Variants in PPP1R16B observed in about 807,000 individuals in gnomAD.
PPP1R16B encodes the protein protein phosphatase 1 regulatory subunit 16B, also known as protein phosphatase 1 regulatory inhibitor subunit 16B.
A neutral mutation model predicts 61.7 loss-of-function variants in PPP1R16B; 14 were observed. That is an observed-to-expected ratio of 0.23 (90% confidence interval 0.15 to 0.35). PPP1R16B has a LOEUF of 0.35. PPP1R16B is among the 10% of genes least tolerant of loss of function. PPP1R16B has a pLI of 1.00. For missense variants in PPP1R16B, 547 were observed against 752.5 expected, an observed-to-expected ratio of 0.73 and a Z score of 3.19; for synonymous variants, 266 against 305.3, an observed-to-expected ratio of 0.87 and a Z score of 1.34.
intron 2 of PPP1R16B, among the ~76,000 whole-genome samples, chr20:38,870,899 A>C (rs2085124490): frequency 6.6e-6 from 1 of 152,122 alleles, no homozygotes; most frequent in South Asian, 2.1e-4. Context: ...GAGACTTATC[A>C]GGAAGCAGGC....
At chr20:38,863,876 C>T (rs966940190) in intron 2 of PPP1R16B, among the ~76,000 whole-genome samples, 1 of 152,224 alleles carries the variant, frequency 6.6e-6, no homozygotes, top group African/African-American at 2.4e-5. Context: ...TCTACATAAA[C>T]ACTTGTCTAC....
intron 2 of PPP1R16B, among the ~76,000 whole-genome samples, chr20:38,836,415 G>A (rs372182413): frequency 1.3e-5 from 2 of 152,232 alleles, no homozygotes; most frequent in Admixed American, 6.5e-5. Context: ...ATAGTGGCGC[G>A]ATCTCAGCTC....
rs749217242 is a variant in PPP1R16B, at chr20:38,908,130, G to A, written c.1131G>A (p.Gln377=). 1 of 1,614,256 alleles carries A rather than the reference G, an allele frequency of 6.2e-7. No individual in the cohort carries two copies. Among genetic ancestry groups the A allele is most frequent in the South Asian group, 1.1e-5 (1 of 91,090 alleles). Residue 377 remains glutamine (Q), a synonymous_variant, in exon 10 of 11, where the codon CAG becomes CAA. Coordinates refer to ENST00000299824, the MANE Select transcript of PPP1R16B (RefSeq NM_015568.4). ...ILWQRSAAED[Q]RTSTYNGDIR... is the part of the protein sequence containing the mutation. ...GGCAGCGGAGTGCAGCTGAGGATCA[G>A]CGGACCTCCACCTACAACGGGGACA...
chr20:38,902,127 T>C (rs1196368231), intron 5 of PPP1R16B, among the ~76,000 whole-genome samples: 2 of 152,258 alleles, frequency 1.3e-5, no homozygotes, highest in East Asian at 3.8e-4. Flanking sequence ...GGATTCGGGC[T>C]ATACAATGTC....
At chr20:38,831,387 G>A (rs926484) in intron 1 of PPP1R16B, among the ~76,000 whole-genome samples, 3,935 of 152,356 alleles carry the variant, frequency 0.026, 87 homozygotes, top group Admixed American at 0.071. Context: ...CTGTCTTGGG[G>A]CCGCCTAGCT....
In PPP1R16B at chr20:38,918,422, G is replaced by A. The variant is rs970297088; in HGVS notation, c.1460G>A (p.Arg487Gln). The A allele has an allele frequency of 4.4e-5, 71 of 1,613,976 alleles. No individual in the cohort carries two copies. Among genetic ancestry groups the A allele is most frequent in the Non-Finnish European group, 5.8e-5 (68 of 1,180,044 alleles). The change falls in exon 11 of 11, where the codon CGG becomes CAG. Residue 487 changes from arginine to glutamine, a missense_variant. Arg to Gln is a conservative substitution (Grantham distance 43, BLOSUM62 1). Coordinates refer to ENST00000299824, the MANE Select transcript of PPP1R16B (RefSeq NM_015568.4). This position sits in a 1 kb window ranked among gnomAD's most constrained non-coding sequence, Gnocchi z 5.3. The stretch of plus-strand genomic sequence containing the variant: ...ACGCTTCTGGAGCTGAAGCGGCAGC[G>A]GGCTGCAGCCAAGCTGCTCAGCCAC... ...PQTLLELKRQ[R>Q]AAAKLLSHPF...
chr20:38,821,040 C>CAA (rs11483114), intron 1 of PPP1R16B, among the ~76,000 whole-genome samples: 5,796 of 121,298 alleles, frequency 0.048, 214 homozygotes, highest in South Asian at 0.097. Flanking sequence ...GACTCCGTCT[C>CAA]AAAAAAAAAA....
chr20:38,900,404 G>A (rs988273433), intron 4 of PPP1R16B, among the ~76,000 whole-genome samples, 177 bp from the exon 5 acceptor site: 4 of 152,204 alleles, frequency 2.6e-5, no homozygotes, highest in Middle Eastern at 3.2e-3. Flanking sequence ...TGAAGCTGTC[G>A]TGCTCTTGGG....
intron 1 of PPP1R16B, among the ~76,000 whole-genome samples, chr20:38,829,100 T>C (rs2084821237): frequency 6.6e-6 from 1 of 152,122 alleles, no homozygotes; most frequent in Non-Finnish European, 1.5e-5. Context: ...TCTCTCCCTT[T>C]GGGGTCAACA....
In PPP1R16B at chr20:38,908,033, T is replaced by C. The variant is rs1341896344; in HGVS notation, c.1034T>C (p.Val345Ala). 1.2e-6 allele frequency: 2 copies of C among 1,613,888 alleles called. No homozygotes were observed. The highest frequency in any genetic ancestry group is 1.7e-6 in the Non-Finnish European group (2 of 1,180,014). ...GACCCACTTTGTCCTCTCAGGAAGG[T>C]GGTGCGGCGAGCCAGCCTGTCGGAC... ...RTSSAGSRGK[V>A]VRRASLSDRT... is the part of the protein sequence containing the mutation. Residue 345 changes from valine (V) to alanine (A), a missense_variant, in exon 10 of 11, where the codon GTG becomes GCG. Coordinates refer to ENST00000299824, the MANE Select transcript of PPP1R16B (RefSeq NM_015568.4).
intron 1 of PPP1R16B, among the ~76,000 whole-genome samples, chr20:38,825,013 A>C (rs1159916183): frequency 6.6e-6 from 1 of 152,238 alleles, no homozygotes; most frequent in Non-Finnish European, 1.5e-5. Context: ...TTCTATACCA[A>C]CTACTTCCTA....
intron 1 of PPP1R16B, 32 bp from the exon 2 acceptor site, chr20:38,835,791 CAT>C (rs1312117818): frequency 9.3e-7 from 1 of 1,075,182 alleles, no homozygotes; most frequent in South Asian, 1.7e-5. Context: ...GAGTCTGACA[CAT>C]GTGTTCATCT....
chr20:38,915,805 T>C (rs1202130861), intron 10 of PPP1R16B, among the ~76,000 whole-genome samples: 3 of 151,966 alleles, frequency 2.0e-5, no homozygotes, highest in African/African-American at 7.3e-5. Context: ...ATGTTTTTTT[T>C]TAACTGTCTA....
At chr20:38,824,720 T>C (rs1294516111) in intron 1 of PPP1R16B, among the ~76,000 whole-genome samples, 4 of 152,250 alleles carry the variant, frequency 2.6e-5, no homozygotes, top group South Asian at 2.1e-4. Flanking sequence ...ACAAACTATA[T>C]GAAAAGTTTT....
chr20:38,865,583 G>T (rs1191997101), intron 2 of PPP1R16B, among the ~76,000 whole-genome samples: 1 of 152,086 alleles, frequency 6.6e-6, no homozygotes, highest in Non-Finnish European at 1.5e-5. Context: ...GAGCCGCCGC[G>T]CCCGGCCTGC....
chr20:38,914,491 A>G (rs961904229), intron 10 of PPP1R16B, among the ~76,000 whole-genome samples: 5 of 152,126 alleles, frequency 3.3e-5, no homozygotes, highest in African/African-American at 1.2e-4. Flanking sequence ...TCTTATTTGT[A>G]TAGAACTCAG....
intron 2 of PPP1R16B, among the ~76,000 whole-genome samples, chr20:38,879,115 G>A (rs2085188157): frequency 6.6e-6 from 1 of 152,178 alleles, no homozygotes; most frequent in African/African-American, 2.4e-5. Context: ...TCTGGAGGTA[G>A]AATCAGTAAA....
intron 2 of PPP1R16B, among the ~76,000 whole-genome samples, chr20:38,882,377 G>GTTGTTC (rs539371135): frequency 5.2e-4 from 79 of 152,146 alleles, no homozygotes; most frequent in African/African-American, 1.9e-3. Flanking sequence ...TGTTGTTGTT[G>GTTGTTC]TTGTTCTTGT....
chr20:38,828,479 A>G (rs374415225), intron 1 of PPP1R16B, among the ~76,000 whole-genome samples: 1 of 152,180 alleles, frequency 6.6e-6, no homozygotes, highest in Non-Finnish European at 1.5e-5. Context: ...ATCCAATTCA[A>G]CTGGCTCAAA....
Sources: gnomAD v4.1 joint callset for allele counts (sites outside exome capture counted in the v4.1 genomes callset) on GRCh38, gnomAD v4.1.1 for gene constraint, Gnocchi (gnomAD v3.1) non-coding constraint, MANE v1.5 for transcripts, NCBI Gene and HGNC (gene_info 2026-07-23, HGNC 2026-07-21) for gene names.